SEMA5A: variants seen among roughly 807,000 people sequenced by gnomAD.
The protein encoded by SEMA5A is semaphorin 5A.
In SEMA5A, 55 loss-of-function variants were observed where a neutral mutation model predicts 135.5. That is an observed-to-expected ratio of 0.41 (90% CI 0.33 to 0.51). SEMA5A has a LOEUF of 0.51. SEMA5A is among the 20% of genes least tolerant of loss of function. The pLI is 0.37. For missense variants in SEMA5A, 1,290 were observed against 1,419.9 expected (o/e 0.91, Z 1.47); for synonymous variants, 580 against 546.5 (o/e 1.06, Z -0.85).
intron 5 of SEMA5A, among the ~76,000 whole-genome samples, chr5:9,274,943 C>T (rs996361594): frequency 8.6e-5 from 13 of 151,982 alleles, no homozygotes; most frequent in Non-Finnish European, 1.5e-5. Context: ...AGAGCAAACA[C>T]ATTCAAAAGC....
chr5:9,528,681 C>T (rs1382716193), intron 1 of SEMA5A, among the ~76,000 whole-genome samples: 1 of 152,160 alleles, frequency 6.6e-6, no homozygotes, highest in Non-Finnish European at 1.5e-5. Flanking sequence ...CTGCATGAGG[C>T]CCAAGGAGAA....
Position 9,438,532 on chromosome 5 carries a change from T to C in SEMA5A, c.-174-680A>G, listed in dbSNP as rs575491957. Among the ~76,000 whole-genome samples, 5 of 152,292 alleles carry C rather than the reference T, an allele frequency of 3.3e-5. No individual in the cohort carries two copies. In the South Asian group the frequency reaches 1.0e-3, roughly 32 times the overall value. On this transcript the variant is annotated intron_variant, in intron 1 of 22. Coordinates refer to ENST00000382496, the MANE Select transcript of SEMA5A (RefSeq NM_003966.3). ...CGAAACGCCAGCCTCCCTAGAAACA[T>C]GTATGCCAGAGGCTGAAAATATAGG...
At chr5:9,210,854 C>T (rs1157477394) in intron 8 of SEMA5A, among the ~76,000 whole-genome samples, 1 of 152,216 alleles carries the variant, frequency 6.6e-6, no homozygotes, top group Non-Finnish European at 1.5e-5. Flanking sequence ...TAAATAGCTA[C>T]TGCGACTCTT....
At chr5:9,117,351 C>T (rs1740573349) in intron 15 of SEMA5A, among the ~76,000 whole-genome samples, 1 of 152,170 alleles carries the variant, frequency 6.6e-6, no homozygotes, top group South Asian at 2.1e-4. Context: ...ATGGAAGTGA[C>T]TTTGCCTGGA....
At chr5:9,315,629 C>T (rs887888307) in intron 5 of SEMA5A, among the ~76,000 whole-genome samples, 2 of 152,002 alleles carry the variant, frequency 1.3e-5, no homozygotes, top group African/African-American at 4.8e-5. Flanking sequence ...AGGGTAGAGG[C>T]CAGTTTTTTG....
chr5:9,072,032 T>C (rs377263444), intron 16 of SEMA5A, among the ~76,000 whole-genome samples: 3 of 152,218 alleles, frequency 2.0e-5, no homozygotes, highest in African/African-American at 7.2e-5. Context: ...GGAAGGTATA[T>C]AAAGGAATGT....
chr5:9,514,010 C>A (rs1736366121), intron 1 of SEMA5A, among the ~76,000 whole-genome samples: 1 of 152,144 alleles, frequency 6.6e-6, no homozygotes, highest in South Asian at 2.1e-4. Context: ...GGGACAAAAT[C>A]AAGACCTCAG....
At chr5:9,516,355 G>A (rs754186149) in intron 1 of SEMA5A, among the ~76,000 whole-genome samples, 3 of 152,098 alleles carry the variant, frequency 2.0e-5, no homozygotes, top group African/African-American at 4.8e-5. Flanking sequence ...AACAGGGAAC[G>A]TACACATGGC....
chr5:9,360,967 G>A lies in SEMA5A; in HGVS notation c.124+18856C>T, dbSNP rs138355891. On this transcript the variant is annotated intron_variant, in intron 3 of 22. Transcript: ENST00000382496. ...CAAGATCTATAAAGTATTTTTTAGG[G>A]GCATAACAATAAATAAGACAGAAAT... Among the ~76,000 whole-genome samples, 22 of 152,028 alleles carry A rather than the reference G, an allele frequency of 1.4e-4. No homozygotes were observed. The East Asian group carries it at 3.5e-3, about 24-fold the overall frequency.
chr5:9,339,728 T>C (rs1254423121), intron 3 of SEMA5A, among the ~76,000 whole-genome samples: 1 of 152,158 alleles, frequency 6.6e-6, no homozygotes, highest in Admixed American at 6.5e-5. Context: ...GTTAAAAGGT[T>C]TGGACTTGAT....
intron 5 of SEMA5A, among the ~76,000 whole-genome samples, chr5:9,286,489 G>C (rs1472316136): frequency 6.6e-6 from 1 of 151,914 alleles, no homozygotes; most frequent in Non-Finnish European, 1.5e-5. Context: ...GATTGAGTTT[G>C]ACTTCCCATG....
chr5:9,236,785 C>T (rs1175933945), intron 6 of SEMA5A, among the ~76,000 whole-genome samples: 1 of 152,148 alleles, frequency 6.6e-6, no homozygotes, highest in East Asian at 1.9e-4. Flanking sequence ...ACTGCATTTT[C>T]CTCCTTCTCT....
intron 1 of SEMA5A, among the ~76,000 whole-genome samples, chr5:9,454,685 T>C (rs1473201450): frequency 6.6e-6 from 1 of 152,222 alleles, no homozygotes; most frequent in Non-Finnish European, 1.5e-5. Flanking sequence ...AAGCCCTCAC[T>C]TTATTGCTTC....
intron 1 of SEMA5A, among the ~76,000 whole-genome samples, chr5:9,454,869 T>C (rs1012468271): frequency 2.6e-5 from 4 of 152,194 alleles, no homozygotes; most frequent in African/African-American, 9.7e-5. Flanking sequence ...ACATTGTCAG[T>C]TGTCAAAAGA....
At position 9,036,140 on chromosome 5, in the gene SEMA5A, G is replaced by T. The variant is rs1480827739; in HGVS notation, c.*6757C>A. ...ATCCAACATTGGACCAAAAGTTTGTGCATTTTCTTGCAGATGATGTAGAAT... is the reference window on the plus strand; with the variant it reads ...ATCCAACATTGGACCAAAAGTTTGTTCATTTTCTTGCAGATGATGTAGAAT... On this transcript the variant is annotated 3_prime_UTR_variant, in exon 23 of 23. Coordinates refer to ENST00000382496, the MANE Select transcript of SEMA5A (RefSeq NM_003966.3). The T allele has an allele frequency of 3.9e-5, 6 of 152,110 alleles. No homozygotes were observed. The highest frequency in any genetic ancestry group is 8.8e-5 in the Non-Finnish European group (6 of 68,008). The allele number at this position is 152,110 out of a possible 1,614,324, so 9.4% of individuals were successfully genotyped here.
At chr5:9,497,531 G>T (rs1033323046) in intron 1 of SEMA5A, among the ~76,000 whole-genome samples, 1 of 152,144 alleles carries the variant, frequency 6.6e-6, no homozygotes, top group African/African-American at 2.4e-5. Flanking sequence ...GAGTGGCACG[G>T]CATACTCTGG....
intron 14 of SEMA5A, among the ~76,000 whole-genome samples, chr5:9,120,771 CA>C: frequency 6.8e-6 from 1 of 147,554 alleles, no homozygotes; most frequent in Admixed American, 6.9e-5. Context: ...AATCTTTTAG[CA>C]AATGTGGATT....
At chr5:9,442,140 C>A (rs143291424) in intron 1 of SEMA5A, among the ~76,000 whole-genome samples, 1 of 152,174 alleles carries the variant, frequency 6.6e-6, no homozygotes, top group Non-Finnish European at 1.5e-5. Context: ...ACCTCTAAGA[C>A]CTTAGAATGT....
chr5:9,389,775 G>C (rs527463559), intron 2 of SEMA5A, among the ~76,000 whole-genome samples: 1 of 152,156 alleles, frequency 6.6e-6, no homozygotes, highest in African/African-American at 2.4e-5. Context: ...CACTTCTATG[G>C]AGCCTTCTAT....
Sources: allele counts gnomAD v4.1 joint callset (sites outside exome capture counted in the v4.1 genomes callset), GRCh38; gene constraint gnomAD v4.1.1; transcripts MANE v1.5; gene names NCBI Gene and HGNC (gene_info 2026-07-23, HGNC 2026-07-21).